Variants in CEP112 observed in about 807,000 individuals in gnomAD.
CEP112 encodes the protein centrosomal protein 112.
In CEP112, 127 loss-of-function variants were observed where a neutral mutation model predicts 153.0. The ratio of observed to expected loss-of-function variants is 0.83; its 90% confidence interval spans 0.72 to 0.96. The LOEUF (loss-of-function observed/expected upper bound fraction) is 0.96. CEP112 is among the 40% of genes least tolerant of loss of function. The pLI, the probability that CEP112 is intolerant of heterozygous loss-of-function variation, is 0.00. For synonymous variants in CEP112, 358 were observed against 374.4 expected (o/e 0.96, Z 0.51); for missense variants, 1,089 against 1,101.2 (o/e 0.99, Z 0.16).
chr17:65,678,107 G>A (rs541343858), intron 24 of CEP112, among the ~76,000 whole-genome samples: 16 of 152,028 alleles, frequency 1.1e-4, no homozygotes, highest in Non-Finnish European at 2.2e-4. Flanking sequence ...AGCACAATCA[G>A]TAGTCATCAA....
intron 17 of CEP112, among the ~76,000 whole-genome samples, chr17:65,978,089 T>A (rs2063101895): frequency 6.6e-6 from 1 of 151,392 alleles, no homozygotes; most frequent in African/African-American, 2.4e-5. Flanking sequence ...AAAATTTTTT[T>A]AAATAAAAAA....
intron 24 of CEP112, among the ~76,000 whole-genome samples, chr17:65,685,201 CA>C (rs2047721683): frequency 6.6e-6 from 1 of 152,112 alleles, no homozygotes; most frequent in Non-Finnish European, 1.5e-5. Context: ...TGGTGGACAG[CA>C]AAGATGCCAC....
chr17:65,732,985 A>T (rs1174145292), intron 23 of CEP112, among the ~76,000 whole-genome samples: 1 of 152,182 alleles, frequency 6.6e-6, no homozygotes, highest in Admixed American at 6.6e-5. Flanking sequence ...TGCATTCACA[A>T]TGTGGCTATT....
intron 24 of CEP112, among the ~76,000 whole-genome samples, chr17:65,687,053 A>G (rs1002528968): frequency 6.6e-6 from 1 of 151,982 alleles, no homozygotes; most frequent in African/African-American, 2.4e-5. Flanking sequence ...AGATGATAAT[A>G]CTGATCTTAC....
chr17:65,678,624 G>A (rs2047352676), intron 24 of CEP112, among the ~76,000 whole-genome samples: 1 of 152,144 alleles, frequency 6.6e-6, no homozygotes, highest in Non-Finnish European at 1.5e-5. Context: ...CCAGTCCCAG[G>A]TCAGAGATCT....
chr17:66,181,164 C>A (rs1186683273), intron 2 of CEP112, among the ~76,000 whole-genome samples: 3 of 151,846 alleles, frequency 2.0e-5, no homozygotes, highest in Non-Finnish European at 2.9e-5. Context: ...ATGGGAAAAC[C>A]CATTATCACA....
chr17:66,083,095 C>A (rs1209599840), intron 8 of CEP112, among the ~76,000 whole-genome samples: 1 of 152,092 alleles, frequency 6.6e-6, no homozygotes, highest in Non-Finnish European at 1.5e-5. Context: ...TGTGTCCTCA[C>A]CCAAATATCA....
At chr17:65,969,599 C>T (rs1474066897) in intron 17 of CEP112, among the ~76,000 whole-genome samples, 1 of 152,050 alleles carries the variant, frequency 6.6e-6, no homozygotes, top group Non-Finnish European at 1.5e-5. Context: ...ATTGCATGCA[C>T]GAATATTACA....
intron 21 of CEP112, among the ~76,000 whole-genome samples, chr17:65,819,016 A>G (rs1254379696): frequency 6.6e-6 from 1 of 151,888 alleles, no homozygotes; most frequent in East Asian, 1.9e-4. Context: ...TCTTGGTGAG[A>G]ATCTCTTGTA....
At chr17:65,995,906 C>T (rs184647045) in intron 17 of CEP112, among the ~76,000 whole-genome samples, 2 of 152,280 alleles carry the variant, frequency 1.3e-5, no homozygotes, top group African/African-American at 4.8e-5. Context: ...CTCATTCTCT[C>T]TTGCCTGCTG....
At chr17:65,850,737 A>T (rs2057899854) in intron 21 of CEP112, among the ~76,000 whole-genome samples, 1 of 152,084 alleles carries the variant, frequency 6.6e-6, no homozygotes, top group South Asian at 2.1e-4. Context: ...GACCTACGTG[A>T]CCTGGACCCA....
intron 16 of CEP112, among the ~76,000 whole-genome samples, chr17:66,026,649 T>A (rs9914168): frequency 3.9e-5 from 6 of 152,180 alleles, no homozygotes; most frequent in Non-Finnish European, 7.3e-5. Flanking sequence ...AGGGCCCCTT[T>A]AGGATACCAA....
At chr17:65,921,004 A>T (rs902528615) in intron 19 of CEP112, among the ~76,000 whole-genome samples, 6 of 151,956 alleles carry the variant, frequency 3.9e-5, no homozygotes, top group Admixed American at 2.0e-4. Context: ...AACTCTAAGC[A>T]TTGGGAAACT....
At chr17:65,913,461 C>T (rs903704471) in intron 19 of CEP112, 1 of 978,938 alleles carries the variant, frequency 1.0e-6, no homozygotes. Context: ...TTTCTGAACA[C>T]TTTAATAGAA....
At chr17:65,826,562 G>A (rs1254527747) in intron 21 of CEP112, 10 of 1,298,158 alleles carry the variant, frequency 7.7e-6, no homozygotes, top group Non-Finnish European at 9.8e-6. Context: ...AGGGCTAAAG[G>A]GCCAGCACAC....
chr17:65,749,758 GA>G (rs1408163918), intron 22 of CEP112, among the ~76,000 whole-genome samples: 1 of 152,180 alleles, frequency 6.6e-6, no homozygotes, highest in Non-Finnish European at 1.5e-5. Flanking sequence ...AGTGCCCCAT[GA>G]ACATTAGATA....
At chr17:66,018,906 G>T (rs928082280) in intron 16 of CEP112, among the ~76,000 whole-genome samples, 2 of 152,146 alleles carry the variant, frequency 1.3e-5, no homozygotes, top group African/African-American at 4.8e-5. Context: ...GAACTGTTTG[G>T]AAAACAAGCA....
chr17:66,006,595 G>A lies in CEP112; in HGVS notation c.1657-826C>T, dbSNP rs56035787. 4.2e-3 allele frequency among the ~76,000 whole-genome samples: 633 copies of A among 150,922 alleles called. 4 individuals carry two copies. Among genetic ancestry groups the A allele is most frequent in the African/African-American group, 0.014 (585 of 41,126 alleles). On this transcript the variant is annotated intron_variant, in intron 16 of 26. Transcript: ENST00000535342. ...CACTCCAGCCTGGGCAACAGAGTGA[G>A]ACTCCATCTCAAAAAAAAAAAAATG...
At chr17:66,121,964 G>A (rs952503677) in intron 6 of CEP112, among the ~76,000 whole-genome samples, 7 of 151,846 alleles carry the variant, frequency 4.6e-5, no homozygotes, top group African/African-American at 1.5e-4. Flanking sequence ...GTGCGATCTC[G>A]GCTCTCTGCA....
Sources: allele counts gnomAD v4.1 joint callset (sites outside exome capture counted in the v4.1 genomes callset), GRCh38; gene constraint gnomAD v4.1.1; transcripts MANE v1.5; gene names NCBI Gene and HGNC (gene_info 2026-07-23, HGNC 2026-07-21).